Variants in ACBD4 observed in about 807,000 individuals in gnomAD.
ACBD4 encodes the protein acyl-CoA binding domain containing 4, also known as acyl-CoA-binding domain-containing protein 4.
Under a neutral mutation model 46.0 loss-of-function variants are expected in ACBD4, and 41 were observed. The ratio of observed to expected loss-of-function variants is 0.89; its 90% CI spans 0.69 to 1.16. The LOEUF is 1.16. ACBD4 is among the 50% of genes most tolerant of loss of function. The probability of loss-of-function intolerance (pLI) is 0.00; values close to 1 mark genes in which losing one functional copy is unlikely to be tolerated. For missense variants in ACBD4, 393 were observed against 399.5 expected (o/e 0.98, Z 0.14); for synonymous variants, 162 against 155.9 (o/e 1.04, Z -0.29).
At chr17:45,132,309 G>T (rs771086727), upstream of ACBD4, 33 of 1,254,532 alleles carry the variant, frequency 2.6e-5, no homozygotes, top group African/African-American at 4.7e-4. The surrounding 1 kb of genome is among the most constrained non-coding windows in gnomAD (Gnocchi z 4.6). Context: ...GAGTCGGCGG[G>T]GACGGGAGAG....
chr17:45,132,247 C>A, upstream of ACBD4: 1 of 1,273,496 alleles, frequency 7.9e-7, no homozygotes. This position sits in a 1 kb window ranked among gnomAD's most constrained non-coding sequence, Gnocchi z 4.6. Flanking sequence ...CCGTCACTGA[C>A]CCATCTTCTT....
chr17:45,135,726 T>G lies in ACBD4; in HGVS notation c.-265T>G. The G allele has an allele frequency of 6.2e-6, 1 of 160,160 alleles. No individual in the cohort carries two copies. Among genetic ancestry groups the G allele is most frequent in the South Asian group, 1.6e-4 (1 of 6,122 alleles). 9.9% of individuals were successfully genotyped at this position (160,160 alleles called of 1,614,324 possible). The stretch of plus-strand genomic sequence containing the variant: ...GGGTGGTGGCGAGAGAGGACCCAGG[T>G]GTCCTGGCAGTGGGCGCCGCGGGGC... On this transcript the variant is annotated 5_prime_UTR_variant, in exon 1 of 10. Coordinates refer to ENST00000321854, the MANE Select transcript of ACBD4 (RefSeq NM_001135705.3).
chr17:45,136,945 G>A (rs1450331894), intron 4 of ACBD4, 74 bp from the exon 5 acceptor site: 26 of 1,606,774 alleles, frequency 1.6e-5, no homozygotes, highest in Non-Finnish European at 2.1e-5. Context: ...CAGGGTGGAG[G>A]TGTGTGACAG....
chr17:45,139,023 G>A lies in ACBD4; in HGVS notation c.652G>A (p.Gly218Arg). The A allele has an allele frequency of 6.2e-7, 1 of 1,612,942 alleles. No individual in the cohort carries two copies. Among genetic ancestry groups the A allele is most frequent in the Non-Finnish European group, 8.5e-7 (1 of 1,179,960 alleles). The change falls in exon 9 of 10, where the codon GGG becomes AGG. Residue 218 changes from glycine (G) to arginine (R), a missense_variant and splice_region_variant. This residue lies in a region of ACBD4 where 308 missense variants were observed against 301.8 expected (regional missense o/e 1.02). Transcript: ENST00000321854. ...CCCTGTGTGTCTGTGCTCCGCAGAG[G>A]GGTTGCGGGGCAGCCCGCCGGGGCC... Reference protein sequence around the residue: ...NSPVPPTKKEGLRGSPPGPQE... With the variant: ...NSPVPPTKKERLRGSPPGPQE...
At position 45,139,108 on chromosome 17, in the gene ACBD4, A is replaced by G. The variant is rs889253714; in HGVS notation, c.737A>G (p.Glu246Gly). 3.1e-6 allele frequency: 5 copies of G among 1,613,852 alleles called. No individual in the cohort carries two copies. Among genetic ancestry groups the G allele is most frequent in the Middle Eastern group, 1.6e-4 (1 of 6,062 alleles). Residue 246 changes from glutamate to glycine, a missense_variant, in exon 9 of 10, where the codon GAG becomes GGG. Glu to Gly is a moderately conservative substitution (Grantham distance 98, BLOSUM62 -2). Coordinates refer to ENST00000321854, the MANE Select transcript of ACBD4 (RefSeq NM_001135705.3). ...CGAGCACTACAGGAGAGCATGCAGG[A>G]GGTGCAGGCGAGGGTGCAGAGCCTG... is the stretch of plus-strand genomic sequence containing the variant. ...TVRALQESMQ[E>G]VQARVQSLES...
chr17:45,139,251 C>A (rs1025338570), intron 9 of ACBD4, 91 bp downstream of exon 9: 4 of 1,304,052 alleles, frequency 3.1e-6, no homozygotes, highest in Admixed American at 1.8e-5. Context: ...TTTGTCCTCA[C>A]GCCTCCACCT....
In ACBD4 at chr17:45,139,172, C is replaced by T. The variant is rs759778665; in HGVS notation, c.789+12C>T. The T allele has an allele frequency of 3.7e-6, 6 of 1,612,866 alleles. No homozygotes were observed. The African/African-American group carries it at 4.0e-5, about 11-fold the overall frequency. ...GGCCCCCTGAGCAGGTAGAGTCCCCCACCCCATAGGACAAGATGATGGCAG... is the reference window on the plus strand; with the variant it reads ...GGCCCCCTGAGCAGGTAGAGTCCCCTACCCCATAGGACAAGATGATGGCAG... On this transcript the variant is annotated intron_variant, in intron 9 of 9. Coordinates refer to ENST00000321854, the MANE Select transcript of ACBD4 (RefSeq NM_001135705.3).
At chr17:45,132,132 A>T (rs1368568683), upstream of ACBD4, 1 of 1,116,744 alleles carries the variant, frequency 9.0e-7, no homozygotes, top group Non-Finnish European at 1.1e-6. This position sits in a 1 kb window ranked among gnomAD's most constrained non-coding sequence, Gnocchi z 4.6. Context: ...GCCCCTAGCC[A>T]TAGCCTCCCA....
At chr17:45,140,295 T>C (rs1250993496) in intron 9 of ACBD4, among the ~76,000 whole-genome samples, 2 of 151,438 alleles carry the variant, frequency 1.3e-5, no homozygotes, top group African/African-American at 2.4e-5. Context: ...GTGATTCTCC[T>C]GCCTCAGCCT....
chr17:45,142,143 A>G (rs2055311147), intron 9 of ACBD4, among the ~76,000 whole-genome samples: 1 of 152,114 alleles, frequency 6.6e-6, no homozygotes, highest in Non-Finnish European at 1.5e-5. Context: ...CTGTAATCCT[A>G]GCACTTTGGG....
Position 45,137,132 on chromosome 17 carries a change from G to A in ACBD4, c.408G>A (p.Arg136=). ...MPRPPETFLR[R]VTGWKEQVVN... is the part of the protein sequence containing the mutation. Reference sequence around the variant, plus strand: ...GGCCCCCAGAGACCTTCCTGAGAAGGGTCACAGGTCAGACTCCCAGGCTGG... The same window carrying A: ...GGCCCCCAGAGACCTTCCTGAGAAGAGTCACAGGTCAGACTCCCAGGCTGG... The change falls in exon 5 of 10, where the codon AGG becomes AGA. Residue 136 remains arginine (R), a synonymous_variant. Transcript: ENST00000321854. 5.6e-6 allele frequency: 9 copies of A among 1,614,064 alleles called. No homozygotes were observed. Among genetic ancestry groups the A allele is most frequent in the Non-Finnish European group, 6.8e-6 (8 of 1,180,018 alleles).
Position 45,143,989 on chromosome 17 carries a change from G to C in ACBD4, c.*418G>C, listed in dbSNP as rs2055446623. The C allele has an allele frequency of 5.0e-6, 1 of 200,166 alleles. No individual in the cohort carries two copies. Among genetic ancestry groups the C allele is most frequent in the South Asian group, 8.9e-5 (1 of 11,264 alleles). The allele number at this position is 200,166 out of a possible 1,614,324, so 12.4% of individuals were successfully genotyped here. On this transcript the variant is annotated 3_prime_UTR_variant, in exon 10 of 10. Coordinates refer to ENST00000321854, the MANE Select transcript of ACBD4 (RefSeq NM_001135705.3). ...GCCTGGAAGAATGATTGGCTGGGAG[G>C]CCGCGGGAGGGAGGCCAGGAGGCCC...
At chr17:45,133,532 T>TC (rs2054586288), upstream of ACBD4, among the ~76,000 whole-genome samples, 1 of 125,842 alleles carries the variant, frequency 7.9e-6, no homozygotes, top group Non-Finnish European at 1.7e-5. Flanking sequence ...TTTTTTTTTT[T>TC]TTTTTTTTTT....
At chr17:45,142,476 A>G (rs2055349100) in intron 9 of ACBD4, 1 of 175,780 alleles carries the variant, frequency 5.7e-6, no homozygotes, top group Admixed American at 6.3e-5. Flanking sequence ...ATGGTGACAA[A>G]AATTCCAGTT....
At position 45,139,191 on chromosome 17, in the gene ACBD4, A is replaced by G. The variant is rs540401788; in HGVS notation, c.789+31A>G. 21 of 1,610,806 alleles carry G rather than the reference A, an allele frequency of 1.3e-5. No homozygotes were observed. In the African/African-American group the frequency reaches 2.5e-4, roughly 19 times the overall value. On this transcript the variant is annotated intron_variant, in intron 9 of 9. Coordinates refer to ENST00000321854, the MANE Select transcript of ACBD4 (RefSeq NM_001135705.3). ...GTCCCCCACCCCATAGGACAAGATGATGGCAGAATCCGGTCTTTATTCTGG... is the reference window on the plus strand; with the variant it reads ...GTCCCCCACCCCATAGGACAAGATGGTGGCAGAATCCGGTCTTTATTCTGG...
chr17:45,137,370 T>G lies in ACBD4; in HGVS notation c.418T>G (p.Trp140Gly). 6.2e-7 allele frequency: 1 copy of G among 1,614,018 alleles called. No homozygotes were observed. Among genetic ancestry groups the G allele is most frequent in the Non-Finnish European group, 8.5e-7 (1 of 1,179,978 alleles). ...CTCTGGGTGCTGTGTCTTGGCAGGT[T>G]GGAAAGAGCAGGTTGTGAATGGAGA... is the stretch of plus-strand genomic sequence containing the variant. The part of the protein sequence containing the change: ...PETFLRRVTG[W>G]KEQVVNGDVG... Residue 140 changes from tryptophan to glycine, a missense_variant and splice_region_variant, in exon 6 of 10, where the codon TGG becomes GGG. By Grantham distance (184) the Trp-to-Gly change is radical. This residue lies in a region of ACBD4 where 308 missense variants were observed against 301.8 expected (regional missense o/e 1.02). Coordinates refer to ENST00000321854, the MANE Select transcript of ACBD4 (RefSeq NM_001135705.3).
At chr17:45,139,213 C>G (rs962323806) in intron 9 of ACBD4, 53 bp downstream of exon 9, 78 of 1,592,936 alleles carry the variant, frequency 4.9e-5, no homozygotes, top group Admixed American at 4.8e-4. Context: ...GGTCTTTATT[C>G]TGGGCTCCTC....
intron 2 of ACBD4, 50 bp from the exon 3 acceptor site, chr17:45,136,450 C>A: frequency 6.3e-7 from 1 of 1,585,560 alleles, no homozygotes; most frequent in South Asian, 1.1e-5. Context: ...CCCTCCGCCC[C>A]TTGGAGCTGG....
At chr17:45,135,375 CGGATCGGCCA>C (rs2054749871), upstream of ACBD4, 1 of 152,144 alleles carries the variant, frequency 6.6e-6, no homozygotes, top group African/African-American at 2.4e-5. Context: ...TGGGTTGCCT[CGGATCGGCCA>C]GGCCTGGATA....
Sources: allele counts gnomAD v4.1 joint callset (sites outside exome capture counted in the v4.1 genomes callset), GRCh38; gene constraint gnomAD v4.1.1; regional missense constraint gnomAD v4.1.1; non-coding constraint Gnocchi (gnomAD v3.1); transcripts MANE v1.5; gene names NCBI Gene and HGNC (gene_info 2026-07-23, HGNC 2026-07-21).